The following ATP1A1 variants were observed in gnomAD, a reference collection of about 807,000 sequenced individuals.
ATP1A1 encodes ATPase Na+/K+ transporting subunit alpha 1, also known as sodium/potassium-transporting ATPase subunit alpha-1.
A neutral mutation model predicts 114.8 loss-of-function variants in ATP1A1; 14 were observed. The observed-to-expected ratio is 0.12, with a 90% CI of 0.08 to 0.19. The LOEUF is 0.19. Among genes scored for constraint, ATP1A1 ranks in the 10% least tolerant of loss-of-function variants. The probability of loss-of-function intolerance (pLI) is 1.00; values close to 1 mark genes in which losing one functional copy is unlikely to be tolerated. For synonymous variants in ATP1A1, 471 were observed against 466.3 expected (o/e 1.01, Z -0.13); for missense variants, 524 against 1,290.7 (o/e 0.41, Z 9.10).
intron 10 of ATP1A1, 193 bp from the exon 11 acceptor site, chr1:116,392,661 C>T: frequency 1.8e-6 from 1 of 564,258 alleles, no homozygotes; most frequent in East Asian, 3.3e-5. Context: ...GGGTTTGAGT[C>T]TGAAGCACTG....
In ATP1A1 at chr1:116,398,113, A is replaced by G. The variant is rs1570973555; in HGVS notation, c.2124+75A>G. ...ATTGGAGTTCCAGTGGAAACAGAGC[A>G]ACGGTGATGGATGGATGCATACCTC... On this transcript the variant is annotated intron_variant, in intron 15 of 22. Transcript: ENST00000295598. This position sits in a 1 kb window ranked among gnomAD's most constrained non-coding sequence, Gnocchi z 6.1. 6.4e-7 allele frequency: 1 copy of G among 1,567,594 alleles called. No homozygotes were observed. Among genetic ancestry groups the G allele is most frequent in the Admixed American group, 1.8e-5 (1 of 57,092 alleles).
In ATP1A1 at chr1:116,391,837, T is replaced by C. The variant is rs1044422414; in HGVS notation, c.1332+946T>C. 1.3e-5 allele frequency among the ~76,000 whole-genome samples: 2 copies of C among 152,188 alleles called. 1 individual carries two copies. Among genetic ancestry groups the C allele is most frequent in the Non-Finnish European group, 2.9e-5 (2 of 68,038 alleles). ...GGTCCCACAAGTATCAAATCTTTCC[T>C]GATTAAAAAACCCCAGAAAGGTAGC... On this transcript the variant is annotated intron_variant, in intron 10 of 22. Coordinates refer to ENST00000295598, the MANE Select transcript of ATP1A1 (RefSeq NM_000701.8).
chr1:116,374,007 G>A (rs569948355), intron 1 of ATP1A1: 2 of 1,321,674 alleles, frequency 1.5e-6, no homozygotes, highest in Non-Finnish European at 1.9e-6. Flanking sequence ...CTTCCCCTGG[G>A]GCGCTCCGCC....
rs747010288 is a variant in ATP1A1, at chr1:116,401,089, G to A, written c.2719-41G>A. The A allele has an allele frequency of 6.2e-6, 10 of 1,612,814 alleles. No individual in the cohort carries two copies. The highest frequency in any genetic ancestry group is 7.6e-6 in the Non-Finnish European group (9 of 1,178,934). ...AGGCCACACTGCCACCAGCCATGCAGGTGAAGAGCCAGAGCTCATCTTCTG... is the reference window on the plus strand; with the variant it reads ...AGGCCACACTGCCACCAGCCATGCAAGTGAAGAGCCAGAGCTCATCTTCTG... On this transcript the variant is annotated intron_variant, in intron 19 of 22. Coordinates refer to ENST00000295598, the MANE Select transcript of ATP1A1 (RefSeq NM_000701.8). The surrounding 1 kb of genome is among the most constrained non-coding windows in gnomAD (Gnocchi z 4.7).
rs934235974 is a variant in ATP1A1 at position 116,385,647 on chromosome 1, G to A, written c.183+805G>A. ...GTTAGACCTCAGTGGCAGGCTTCAA[G>A]AAACAGGATCTCTCTCCTGCCCTCC... On this transcript the variant is annotated intron_variant, in intron 3 of 22. Coordinates refer to ENST00000295598, the MANE Select transcript of ATP1A1 (RefSeq NM_000701.8). The surrounding 1 kb of genome is among the most constrained non-coding windows in gnomAD (Gnocchi z 4.3). The A allele has an allele frequency of 2.6e-5, 4 of 151,964 alleles. No individual in the cohort carries two copies. Among genetic ancestry groups the A allele is most frequent in the Admixed American group, 2.6e-4 (4 of 15,262 alleles). 9.4% of individuals were successfully genotyped at this position (151,964 alleles called of 1,614,324 possible). A position where few individuals can be genotyped will look rare whatever the true frequency, so the allele number is the denominator to read the frequency against.
chr1:116,383,933 C>G, intron 1 of ATP1A1, 81 bp from the exon 2 acceptor site: 1 of 1,221,284 alleles, frequency 8.2e-7, no homozygotes, highest in Non-Finnish European at 1.2e-6. Context: ...TTAAAAACTA[C>G]CAAAATCCCC....
chr1:116,388,582 G>T lies in ATP1A1; in HGVS notation c.502-56G>T. 1 of 1,563,288 alleles carries T rather than the reference G, an allele frequency of 6.4e-7. No homozygotes were observed. Among genetic ancestry groups the T allele is most frequent in the Non-Finnish European group, 8.7e-7 (1 of 1,149,696 alleles). On this transcript the variant is annotated intron_variant, in intron 5 of 22. Coordinates refer to ENST00000295598, the MANE Select transcript of ATP1A1 (RefSeq NM_000701.8). The surrounding 1 kb of genome is among the most constrained non-coding windows in gnomAD (Gnocchi z 5.6). Reference sequence around the variant, plus strand: ...TGACTATTTTTATTTTCTTGTTTTGGACACTACCTTCTCTTTGTTGGTATA... The same window carrying T: ...TGACTATTTTTATTTTCTTGTTTTGTACACTACCTTCTCTTTGTTGGTATA...
rs139154218 is a variant in ATP1A1, at chr1:116,399,878, G to A, written c.2572+335G>A. On this transcript the variant is annotated intron_variant, in intron 18 of 22. Coordinates refer to ENST00000295598, the MANE Select transcript of ATP1A1 (RefSeq NM_000701.8). The surrounding 1 kb of genome is among the most constrained non-coding windows in gnomAD (Gnocchi z 5.0). Reference sequence around the variant, plus strand: ...GTTCTAAGGAATTGTGTGTACTGACGCACAGGCTGCTTTCCCTGGAGATAC... The same window carrying A: ...GTTCTAAGGAATTGTGTGTACTGACACACAGGCTGCTTTCCCTGGAGATAC... Among the ~76,000 whole-genome samples, 28 of 152,312 alleles carry A rather than the reference G, an allele frequency of 1.8e-4. No individual in the cohort carries two copies. The highest frequency in any genetic ancestry group is 5.8e-4 in the African/African-American group (24 of 41,566).
Position 116,373,333 on chromosome 1 carries a change from C to A in ATP1A1, c.-179C>A. The A allele has an allele frequency of 5.6e-6, 3 of 537,250 alleles. No homozygotes were observed. The highest frequency in any genetic ancestry group is 8.8e-6 in the Non-Finnish European group (3 of 339,930). The allele number at this position is 537,250 out of a possible 1,614,324, so 33.3% of individuals were successfully genotyped here. Reference sequence around the variant, plus strand: ...GTAGCAGCCCGGGCGGCGGCAGCAACAGCGGCGGCGGCATCGGCCCGAGCC... The same window carrying A: ...GTAGCAGCCCGGGCGGCGGCAGCAAAAGCGGCGGCGGCATCGGCCCGAGCC... On this transcript the variant is annotated 5_prime_UTR_variant, in exon 1 of 23. Transcript: ENST00000295598.
chr1:116,377,572 C>A (rs1360251825), intron 1 of ATP1A1, among the ~76,000 whole-genome samples: 1 of 152,240 alleles, frequency 6.6e-6, no homozygotes, highest in African/African-American at 2.4e-5. Context: ...TGTCTACTTT[C>A]ACTTCTCAGG....
In ATP1A1 at chr1:116,399,559, G is replaced by C; in HGVS notation, c.2572+16G>C. ...GGGCAGATTGGTAAGCTGCAGCCTG[G>C]AGTGGGAAGCTGGCACATCTAAGGC... On this transcript the variant is annotated intron_variant, in intron 18 of 22. Transcript: ENST00000295598. The surrounding 1 kb of genome is among the most constrained non-coding windows in gnomAD (Gnocchi z 5.0). 2 of 1,613,660 alleles carry C rather than the reference G, an allele frequency of 1.2e-6. No individual in the cohort carries two copies. The highest frequency in any genetic ancestry group is 1.7e-6 in the Non-Finnish European group (2 of 1,179,846).
chr1:116,393,068 A>G lies in ATP1A1; in HGVS notation c.1467+80A>G. On this transcript the variant is annotated intron_variant, in intron 11 of 22. Transcript: ENST00000295598. This position sits in a 1 kb window ranked among gnomAD's most constrained non-coding sequence, Gnocchi z 5.0. ...GGAGGTACATGAGCAGGAAGAGGAA[A>G]TATTCTCCCTTTGGAGTTTTATAAG... 2 of 1,557,650 alleles carry G rather than the reference A, an allele frequency of 1.3e-6. No individual in the cohort carries two copies. The highest frequency in any genetic ancestry group is 1.7e-6 in the Non-Finnish European group (2 of 1,150,348).
At chr1:116,380,202 G>C (rs1202054921) in intron 1 of ATP1A1, among the ~76,000 whole-genome samples, 3 of 152,344 alleles carry the variant, frequency 2.0e-5, no homozygotes, top group Admixed American at 2.0e-4. Flanking sequence ...GACAGGCAAA[G>C]GTCATGTAGC....
chr1:116,401,362 T>G lies in ATP1A1; in HGVS notation c.2849+102T>G. ...AAACATATGACACATATAGCCAGGT[T>G]TCTGGAATCTCTAGTTTATAGAGCA... On this transcript the variant is annotated intron_variant, in intron 20 of 22. Coordinates refer to ENST00000295598, the MANE Select transcript of ATP1A1 (RefSeq NM_000701.8). The surrounding 1 kb of genome is among the most constrained non-coding windows in gnomAD (Gnocchi z 4.7). The G allele has an allele frequency of 3.2e-6, 5 of 1,568,922 alleles. No homozygotes were observed. Among genetic ancestry groups the G allele is most frequent in the Non-Finnish European group, 4.3e-6 (5 of 1,152,528 alleles).
intron 1 of ATP1A1, chr1:116,382,424 G>C (rs1045916433): frequency 1.3e-5 from 2 of 152,124 alleles, no homozygotes; most frequent in African/African-American, 4.8e-5. Context: ...GAGCTGTACC[G>C]AAAGAGGCAC....
At position 116,385,920 on chromosome 1, in the gene ATP1A1, A is replaced by T. The variant is rs1652044975; in HGVS notation, c.183+1078A>T. ...GACTGGTGGATCACCTGAGGTCAGG[A>T]GTTCGACACCAGCCTGACCAACATG... On this transcript the variant is annotated intron_variant, in intron 3 of 22. Transcript: ENST00000295598. This position sits in a 1 kb window ranked among gnomAD's most constrained non-coding sequence, Gnocchi z 4.3. The T allele has an allele frequency of 6.6e-6, 1 of 152,230 alleles. No individual in the cohort carries two copies. The highest frequency in any genetic ancestry group is 1.5e-5 in the Non-Finnish European group (1 of 68,164). 9.4% of individuals were successfully genotyped at this position (152,230 alleles called of 1,614,324 possible). A position where few individuals can be genotyped will look rare whatever the true frequency, so the allele number is the denominator to read the frequency against.
chr1:116,388,468 A>G lies in ATP1A1; in HGVS notation c.502-170A>G. ...TACAGGCACACCATGTAACAGCAAT[A>G]TCTCTTAAACTGGCGAGCAAGCTTT... is the stretch of plus-strand genomic sequence containing the variant. On this transcript the variant is annotated intron_variant, in intron 5 of 22. Coordinates refer to ENST00000295598, the MANE Select transcript of ATP1A1 (RefSeq NM_000701.8). The surrounding 1 kb of genome is among the most constrained non-coding windows in gnomAD (Gnocchi z 5.6). 1 of 1,037,502 alleles carries G rather than the reference A, an allele frequency of 9.6e-7. No individual in the cohort carries two copies. 64.3% of individuals were successfully genotyped at this position (1,037,502 alleles called of 1,614,324 possible).
chr1:116,382,008 C>A (rs1267425924), intron 1 of ATP1A1, among the ~76,000 whole-genome samples: 2 of 152,078 alleles, frequency 1.3e-5, no homozygotes, highest in Non-Finnish European at 2.9e-5. Context: ...AACCCCGTCT[C>A]TACTAAAAAT....
Position 116,385,250 on chromosome 1 carries a change from A to G in ATP1A1, c.183+408A>G, listed in dbSNP as rs1652008642. On this transcript the variant is annotated intron_variant, in intron 3 of 22. Transcript: ENST00000295598. The surrounding 1 kb of genome is among the most constrained non-coding windows in gnomAD (Gnocchi z 4.3). ...TTTTTGCACTTTTCCCAGCTAGCCC[A>G]TTGCAGTGTGTTATGGTTATACTAT... 1.7e-5 allele frequency: 4 copies of G among 228,586 alleles called. No individual in the cohort carries two copies. 14.2% of individuals were successfully genotyped at this position (228,586 alleles called of 1,614,324 possible).
Sources: gnomAD v4.1 joint callset for allele counts (sites outside exome capture counted in the v4.1 genomes callset) on GRCh38, gnomAD v4.1.1 for gene constraint, Gnocchi (gnomAD v3.1) non-coding constraint, MANE v1.5 for transcripts, NCBI Gene and HGNC (gene_info 2026-07-23, HGNC 2026-07-21) for gene names.